IQSEC3: variants seen among roughly 807,000 people sequenced by gnomAD.
The protein encoded by IQSEC3 is IQ motif and SEC7 domain-containing protein 3.
IQSEC3 carries 50 observed loss-of-function variants against 105.4 expected under a neutral mutation model. That is an observed-to-expected ratio of 0.47 (90% CI 0.38 to 0.60). IQSEC3 has a LOEUF of 0.60. IQSEC3 is among the 20% of genes least tolerant of loss of function. The probability of loss-of-function intolerance (pLI) is 0.00; values close to 1 mark genes in which losing one functional copy is unlikely to be tolerated. For synonymous variants in IQSEC3, 708 were observed against 746.0 expected, an observed-to-expected ratio of 0.95 and a Z score of 0.83; for missense variants, 1,415 against 1,630.0, an observed-to-expected ratio of 0.87 and a Z score of 2.27.
At chr12:87,509 A>G (rs1461958472) in intron 1 of IQSEC3, among the ~76,000 whole-genome samples, 1 of 152,200 alleles carries the variant, frequency 6.6e-6, no homozygotes, top group Non-Finnish European at 1.5e-5. Context: ...AAATTCTGCT[A>G]GGCCTCTGGG....
intron 5 of IQSEC3, among the ~76,000 whole-genome samples, chr12:153,112 G>T (rs369631956): frequency 1.3e-5 from 2 of 151,980 alleles, no homozygotes; most frequent in African/African-American, 4.8e-5. Flanking sequence ...AAGAGGGCAC[G>T]GTGCAAGCAG....
chr12:77,238 C>T (rs574365844), intron 1 of IQSEC3: 230 of 179,956 alleles, frequency 1.3e-3, no homozygotes, highest in Non-Finnish European at 1.8e-3. Flanking sequence ...TTTCCAGAGA[C>T]AGGTAGAGGC....
intron 1 of IQSEC3, among the ~76,000 whole-genome samples, chr12:73,047 AATATAAATAAATAAATAAAT>A (rs1555067945): frequency 1.0e-5 from 1 of 97,916 alleles, no homozygotes; most frequent in African/African-American, 3.6e-5. Context: ...CTCTGCCTAA[AATATAAATAAATAAATAAAT>A]AAATAAATAA....
chr12:105,388 G>A (rs954736230), intron 2 of IQSEC3, among the ~76,000 whole-genome samples: 46 of 152,198 alleles, frequency 3.0e-4, no homozygotes, highest in African/African-American at 1.0e-3. Context: ...GGGACAGAGT[G>A]GCACCTGCAC....
intron 1 of IQSEC3, among the ~76,000 whole-genome samples, chr12:91,454 G>A (rs191633175): frequency 5.3e-5 from 8 of 152,160 alleles, no homozygotes; most frequent in South Asian, 4.2e-4. Flanking sequence ...CTCTGGCAGC[G>A]CTACTCCCCC....
chr12:167,464 A>G (rs1478986100), intron 11 of IQSEC3: 4 of 152,126 alleles, frequency 2.6e-5, no homozygotes, highest in African/African-American at 9.7e-5. Flanking sequence ...AGGGTAAAAG[A>G]GCAGGAAGAA....
At chr12:136,201 A>G (rs1865759537) in intron 3 of IQSEC3, among the ~76,000 whole-genome samples, 1 of 152,198 alleles carries the variant, frequency 6.6e-6, no homozygotes, top group Non-Finnish European at 1.5e-5. Flanking sequence ...GTGAGTTCCA[A>G]CGATCTCCAA....
intron 2 of IQSEC3, among the ~76,000 whole-genome samples, chr12:109,003 C>T (rs1864779076): frequency 6.6e-6 from 1 of 152,236 alleles, no homozygotes; most frequent in African/African-American, 2.4e-5. Context: ...GCAAGGGTCG[C>T]CCCTTGGCCC....
At chr12:124,167 A>G (rs1309809855) in intron 2 of IQSEC3, among the ~76,000 whole-genome samples, 1 of 152,024 alleles carries the variant, frequency 6.6e-6, no homozygotes, top group African/African-American at 2.4e-5. Context: ...CGGGTGGATC[A>G]CCTGAGGTCA....
chr12:155,077 C>T (rs1190536585), intron 5 of IQSEC3, among the ~76,000 whole-genome samples: 1 of 152,212 alleles, frequency 6.6e-6, no homozygotes, highest in Non-Finnish European at 1.5e-5. Context: ...CAGTTGCTGA[C>T]TCCTGATGGG....
At chr12:107,440 T>G (rs1419221762) in intron 2 of IQSEC3, among the ~76,000 whole-genome samples, 2 of 146,872 alleles carry the variant, frequency 1.4e-5, no homozygotes, top group Non-Finnish European at 3.0e-5. Context: ...GACGGAGTCT[T>G]GCTCTGTGGC....
intron 4 of IQSEC3, among the ~76,000 whole-genome samples, chr12:140,081 G>A (rs1555088641): frequency 1.3e-5 from 2 of 152,090 alleles, no homozygotes; most frequent in African/African-American, 4.8e-5. Flanking sequence ...ATAACCCTGC[G>A]CCAAGAGCAC....
At chr12:73,712 C>A (rs1258564585) in intron 1 of IQSEC3, among the ~76,000 whole-genome samples, 5 of 152,058 alleles carry the variant, frequency 3.3e-5, no homozygotes, top group African/African-American at 1.2e-4. Context: ...AACCAGGGCC[C>A]AAGAAAGATA....
rs757667281 is a variant in IQSEC3, at chr12:174,895, C to G, written c.3411C>G (p.Pro1137=). 2.6e-6 allele frequency: 4 copies of G among 1,562,052 alleles called. No individual in the cohort carries two copies. The Admixed American group carries it at 7.2e-5, about 28-fold the overall frequency. Residue 1137 remains proline (P), a synonymous_variant, in exon 14 of 14, where the codon CCC becomes CCG. Coordinates refer to ENST00000538872, the MANE Select transcript of IQSEC3 (RefSeq NM_001170738.2). ...GCGGCTCCACACCCCTGGGCGGTCC[C>G]GGCTCTCCGGTCAAGGTCACCCACC... ...DSCGSTPLGG[P]GSPVKVTHQP...
At position 176,032 on chromosome 12, in the gene IQSEC3, G is replaced by A. The variant is rs777071284; in HGVS notation, c.*999G>A. ...GGGCTCCCTCCTGCATGAGTCTGTG[G>A]CCTCCAGGAGGGACTTGGGTGCAGA... On this transcript the variant is annotated 3_prime_UTR_variant, in exon 14 of 14. Transcript: ENST00000538872. The surrounding 1 kb of genome is among the most constrained non-coding windows in gnomAD (Gnocchi z 4.0). 1 of 152,158 alleles carries A rather than the reference G, an allele frequency of 6.6e-6. No individual in the cohort carries two copies. The highest frequency in any genetic ancestry group is 1.5e-5 in the Non-Finnish European group (1 of 68,054). 9.4% of individuals were successfully genotyped at this position (152,158 alleles called of 1,614,324 possible). A position where few individuals can be genotyped will look rare whatever the true frequency, so the allele number is the denominator to read the frequency against.
intron 3 of IQSEC3, among the ~76,000 whole-genome samples, chr12:137,079 C>T (rs73036140): frequency 0.22 from 32,854 of 151,476 alleles, 3,950 homozygotes; most frequent in Non-Finnish European, 0.27. Context: ...CAGCTCCCAC[C>T]GTAAGAGCAG....
At chr12:148,352 C>T (rs1437923945) in intron 5 of IQSEC3, 2 of 152,188 alleles carry the variant, frequency 1.3e-5, no homozygotes, top group Non-Finnish European at 2.9e-5. Flanking sequence ...CCACGCAATT[C>T]CAATGCATCA....
chr12:148,311 G>C (rs1210605227), intron 5 of IQSEC3: 1 of 152,174 alleles, frequency 6.6e-6, no homozygotes, highest in Admixed American at 6.5e-5. Flanking sequence ...CTGCGGCTCG[G>C]GGCCCAGCAA....
chr12:168,950 TGCCTC>T, intron 11 of IQSEC3, 58 bp from the exon 12 acceptor site: 1 of 1,389,482 alleles, frequency 7.2e-7, no homozygotes, highest in Admixed American at 1.7e-5. Flanking sequence ...CCTCATTTCC[TGCCTC>T]GCCTCTGTGT....
Sources: gnomAD v4.1 joint callset for allele counts (sites outside exome capture counted in the v4.1 genomes callset) on GRCh38, gnomAD v4.1.1 for gene constraint, Gnocchi (gnomAD v3.1) non-coding constraint, MANE v1.5 for transcripts, NCBI Gene and HGNC (gene_info 2026-07-23, HGNC 2026-07-21) for gene names.